Variants in TMEM108 observed in about 807,000 individuals in gnomAD.
TMEM108 encodes the protein transmembrane protein 108, also known as cancer/testis antigen 124.
TMEM108 carries 12 observed loss-of-function variants against 35.1 expected under a neutral mutation model. The observed-to-expected ratio is 0.34, with a 90% CI of 0.22 to 0.55. TMEM108 has a LOEUF of 0.55. TMEM108 is among the 20% of genes least tolerant of loss of function. The probability of loss-of-function intolerance (pLI) is 0.89; values close to 1 mark genes in which losing one functional copy is unlikely to be tolerated. For missense variants in TMEM108, 680 were observed against 753.3 expected (o/e 0.90, Z 1.14); for synonymous variants, 287 against 308.6 (o/e 0.93, Z 0.73).
intron 2 of TMEM108, among the ~76,000 whole-genome samples, chr3:133,095,657 AC>A (rs1425617807): frequency 2.0e-5 from 3 of 152,100 alleles, no homozygotes; most frequent in Non-Finnish European, 4.4e-5. Flanking sequence ...GGAGGATGCA[AC>A]CTAGATCCCT....
At chr3:133,086,963 C>G (rs1943891195) in intron 2 of TMEM108, among the ~76,000 whole-genome samples, 1 of 152,162 alleles carries the variant, frequency 6.6e-6, no homozygotes, top group South Asian at 2.1e-4. Flanking sequence ...GTTTACAAAT[C>G]CTATACTTGT....
intron 3 of TMEM108, among the ~76,000 whole-genome samples, chr3:133,344,084 G>A (rs1050082198): frequency 1.3e-5 from 2 of 151,706 alleles, no homozygotes; most frequent in Non-Finnish European, 3.0e-5. Context: ...TGTTACAGAT[G>A]ATATAATCTT....
intron 3 of TMEM108, among the ~76,000 whole-genome samples, chr3:133,363,941 G>A (rs372363329): frequency 1.0e-3 from 159 of 152,030 alleles, no homozygotes; most frequent in African/African-American, 3.8e-3. Context: ...TATACTTAAC[G>A]GTACACAACT....
intron 1 of TMEM108, among the ~76,000 whole-genome samples, chr3:133,041,043 A>G (rs1943269700): frequency 6.6e-6 from 1 of 152,228 alleles, no homozygotes; most frequent in African/African-American, 2.4e-5. Context: ...GCTGGATAAC[A>G]GAGCCACAGG....
chr3:133,133,573 A>G (rs1481484407), intron 2 of TMEM108, among the ~76,000 whole-genome samples: 1 of 152,128 alleles, frequency 6.6e-6, no homozygotes, highest in Non-Finnish European at 1.5e-5. Flanking sequence ...TGTAAGGAAG[A>G]TCATATGCCA....
intron 2 of TMEM108, among the ~76,000 whole-genome samples, chr3:133,179,456 C>T (rs1020670324): frequency 6.6e-6 from 1 of 151,918 alleles, no homozygotes; most frequent in East Asian, 1.9e-4. Context: ...CACATATACA[C>T]CATGGAATAC....
chr3:133,353,628 A>G (rs1011988294), intron 3 of TMEM108, among the ~76,000 whole-genome samples: 3 of 152,192 alleles, frequency 2.0e-5, no homozygotes, highest in African/African-American at 4.8e-5. Flanking sequence ...TCTCAACTCT[A>G]TATCACCTGT....
At chr3:133,264,728 A>G (rs1167091118) in intron 3 of TMEM108, among the ~76,000 whole-genome samples, 1 of 152,204 alleles carries the variant, frequency 6.6e-6, no homozygotes, top group Non-Finnish European at 1.5e-5. Context: ...AGCACTTACC[A>G]TAAAAAGAAC....
chr3:133,154,920 T>C (rs1944857416), intron 2 of TMEM108, among the ~76,000 whole-genome samples: 1 of 152,136 alleles, frequency 6.6e-6, no homozygotes. Context: ...ATGTGCAGGT[T>C]TGTTATATAA....
At chr3:133,094,063 A>G (rs1943980755) in intron 2 of TMEM108, among the ~76,000 whole-genome samples, 1 of 152,142 alleles carries the variant, frequency 6.6e-6, no homozygotes, top group South Asian at 2.1e-4. Flanking sequence ...AGATAGTAAT[A>G]TTATAGCCAA....
chr3:133,111,303 C>T (rs1944221231), intron 2 of TMEM108, among the ~76,000 whole-genome samples: 1 of 152,040 alleles, frequency 6.6e-6, no homozygotes, highest in Non-Finnish European at 1.5e-5. Flanking sequence ...ATTATTTGCC[C>T]AGGAAGTAAA....
chr3:133,101,111 G>A (rs1210499218), intron 2 of TMEM108, among the ~76,000 whole-genome samples: 1 of 152,116 alleles, frequency 6.6e-6, no homozygotes, highest in Non-Finnish European at 1.5e-5. Flanking sequence ...TGTACATAAT[G>A]GAGCAATGAA....
chr3:133,110,596 G>A (rs1324623892), intron 2 of TMEM108, among the ~76,000 whole-genome samples: 1 of 152,166 alleles, frequency 6.6e-6, no homozygotes, highest in African/African-American at 2.4e-5. Context: ...TTGTCACATA[G>A]CCAGAGAGTA....
chr3:133,226,114 T>A (rs1946066566), intron 2 of TMEM108, among the ~76,000 whole-genome samples: 3 of 152,176 alleles, frequency 2.0e-5, no homozygotes, highest in African/African-American at 7.2e-5. Flanking sequence ...TGGCAGTTTG[T>A]TGAAGGAGTT....
intron 2 of TMEM108, among the ~76,000 whole-genome samples, chr3:133,135,156 C>T (rs559908582): frequency 6.4e-5 from 9 of 140,010 alleles, no homozygotes; most frequent in Non-Finnish European, 9.3e-5. Context: ...CATCTGCTAT[C>T]GTTTTTTTTT....
rs113252606 is a variant in TMEM108, at chr3:133,267,660, A to G, written c.40+38309A>G. On this transcript the variant is annotated intron_variant, in intron 3 of 5. Transcript: ENST00000321871. The stretch of plus-strand genomic sequence containing the variant: ...ATTCTAATGAAATGTCTCTCATATG[A>G]TTATGGTTGTGGTCAAGGGGTCAGC... Among the ~76,000 whole-genome samples the G allele has an allele frequency of 2.4e-3, 360 of 151,772 alleles. 2 individuals carry two copies. The highest frequency in any genetic ancestry group is 8.0e-3 in the African/African-American group (330 of 41,498).
chr3:133,395,670 T>C lies in TMEM108; in HGVS notation c.1606-194T>C, dbSNP rs1481012829. ...CAGCACAAAAATTAAAATATACACA[T>C]ACACACACACACACAAATTAATTAA... is the stretch of plus-strand genomic sequence containing the variant. On this transcript the variant is annotated intron_variant, in intron 5 of 5. Coordinates refer to ENST00000321871, the MANE Select transcript of TMEM108 (RefSeq NM_023943.4). Among the ~76,000 whole-genome samples the C allele has an allele frequency of 9.9e-5, 15 of 151,450 alleles. No homozygotes were observed. The East Asian group carries it at 1.4e-3, about 14-fold the overall frequency.
chr3:133,253,980 A>T (rs2107670453), intron 3 of TMEM108, among the ~76,000 whole-genome samples: 1 of 152,322 alleles, frequency 6.6e-6, no homozygotes, highest in South Asian at 2.1e-4. Flanking sequence ...TGGCTGCAGC[A>T]CTACTGGGGT....
intron 3 of TMEM108, among the ~76,000 whole-genome samples, chr3:133,312,152 A>G (rs1354740440): frequency 6.6e-6 from 1 of 152,152 alleles, no homozygotes; most frequent in African/African-American, 2.4e-5. Context: ...GTCAGCCCCT[A>G]CTGGGAGGTA....
Sources: gnomAD v4.1 joint callset for allele counts (sites outside exome capture counted in the v4.1 genomes callset) on GRCh38, gnomAD v4.1.1 for gene constraint, MANE v1.5 for transcripts, NCBI Gene and HGNC (gene_info 2026-07-23, HGNC 2026-07-21) for gene names.